The following GRM5 variants were observed in gnomAD, a reference collection of about 807,000 sequenced individuals.
GRM5 encodes the protein metabotropic glutamate receptor 5.
A neutral mutation model predicts 83.1 loss-of-function variants in GRM5; 19 were observed. That is an observed-to-expected ratio of 0.23 (90% CI 0.16 to 0.34). The LOEUF (loss-of-function observed/expected upper bound fraction) is 0.34, where lower values mean the gene tolerates loss of function less well. Ranked by LOEUF, GRM5 falls within the 10% of genes least tolerant of loss-of-function variation. The pLI is 1.00. For missense variants in GRM5, 1,160 were observed against 1,588.3 expected (o/e 0.73, Z 4.58); for synonymous variants, 675 against 633.6 (o/e 1.07, Z -0.98).
chr11:88,745,121 C>G (rs999813023), intron 3 of GRM5, among the ~76,000 whole-genome samples: 1 of 151,842 alleles, frequency 6.6e-6, no homozygotes, highest in Non-Finnish European at 1.5e-5. Context: ...GATTTTAAAC[C>G]CAGGGTTATG....
At chr11:88,678,533 T>G (rs2135342050) in intron 3 of GRM5, among the ~76,000 whole-genome samples, 1 of 152,246 alleles carries the variant, frequency 6.6e-6, no homozygotes, top group Non-Finnish European at 1.5e-5. Context: ...ATTTTCTCAT[T>G]TATTCTTTCA....
chr11:88,803,937 G>T (rs1307796639), intron 3 of GRM5, among the ~76,000 whole-genome samples: 2 of 152,080 alleles, frequency 1.3e-5, no homozygotes, highest in Non-Finnish European at 2.9e-5. Context: ...ATGAAAAAAT[G>T]CTCACCATCA....
At chr11:88,769,123 A>G (rs1216181934) in intron 3 of GRM5, among the ~76,000 whole-genome samples, 1 of 152,046 alleles carries the variant, frequency 6.6e-6, no homozygotes, top group African/African-American at 2.4e-5. Context: ...TCTGATTCTG[A>G]TATATAAATA....
chr11:88,597,276 C>T lies in GRM5; in HGVS notation c.1471G>A (p.Glu491Lys). 6.3e-7 allele frequency: 1 copy of T among 1,596,958 alleles called. No homozygotes were observed. Among genetic ancestry groups the T allele is most frequent in the Admixed American group, 1.7e-5 (1 of 59,684 alleles). ...YINVGSWDNG[E>K]LKMDDDEVWS... is the part of the protein sequence containing the mutation. ...ACTTCATCATCATCCATTTTTAATT[C>T]TCCATTGTCCCAACTTCCAACGTTG... Residue 491 changes from glutamate to lysine, a missense_variant, in exon 6 of 10, where the codon GAA becomes AAA. Glu to Lys is a moderately conservative substitution (Grantham distance 56). This residue lies in a region of GRM5 where 30 missense variants were observed against 19.7 expected (regional missense o/e 1.52). Transcript: ENST00000305447.
At chr11:88,597,157 A>C in intron 6 of GRM5, 27 bp downstream of exon 6, 4 of 1,456,836 alleles carry the variant, frequency 2.7e-6, no homozygotes, top group Non-Finnish European at 3.7e-6. Flanking sequence ...TACAACAAAA[A>C]TGAAAGAAAC....
intron 3 of GRM5, among the ~76,000 whole-genome samples, chr11:88,716,172 C>A (rs895104770): frequency 6.6e-6 from 1 of 151,870 alleles, no homozygotes; most frequent in African/African-American, 2.4e-5. Context: ...CAGCACCAGC[C>A]CAAATTCTAA....
At chr11:88,521,693 A>G (rs1422790295) in intron 9 of GRM5, among the ~76,000 whole-genome samples, 2 of 152,148 alleles carry the variant, frequency 1.3e-5, no homozygotes. Context: ...ATGACAAGTT[A>G]TACTATATTC....
intron 2 of GRM5, among the ~76,000 whole-genome samples, chr11:88,964,100 G>T (rs1176777448): frequency 6.6e-6 from 1 of 152,042 alleles, no homozygotes; most frequent in Non-Finnish European, 1.5e-5. Context: ...ATAATTTGGG[G>T]CCTTATATAT....
intron 4 of GRM5, among the ~76,000 whole-genome samples, chr11:88,621,160 T>A (rs1273855821): frequency 1.3e-5 from 2 of 152,192 alleles, no homozygotes; most frequent in Non-Finnish European, 2.9e-5. Flanking sequence ...TTTAAAAGAT[T>A]GTGTGGCAAA....
At chr11:89,036,443 TTTC>T (rs1941388036) in intron 2 of GRM5, among the ~76,000 whole-genome samples, 2 of 152,124 alleles carry the variant, frequency 1.3e-5, no homozygotes, top group Admixed American at 1.3e-4. Context: ...TTATGGTTTT[TTTC>T]TTCAAGGCCA....
At chr11:88,786,211 G>A (rs1943065302) in intron 3 of GRM5, among the ~76,000 whole-genome samples, 1 of 152,060 alleles carries the variant, frequency 6.6e-6, no homozygotes, top group Non-Finnish European at 1.5e-5. Context: ...AGGTGATGGA[G>A]GTAACACTGG....
intron 7 of GRM5, among the ~76,000 whole-genome samples, chr11:88,578,930 A>G (rs1293081425): frequency 6.6e-6 from 1 of 152,102 alleles, no homozygotes; most frequent in Non-Finnish European, 1.5e-5. Flanking sequence ...TTGATTCACA[A>G]TCACTTCCAT....
intron 7 of GRM5, among the ~76,000 whole-genome samples, chr11:88,588,564 A>G (rs1466201020): frequency 1.3e-5 from 2 of 152,154 alleles, no homozygotes; most frequent in Non-Finnish European, 2.9e-5. Flanking sequence ...ACCCATATAC[A>G]GACATTCACA....
chr11:88,899,415 T>C (rs535206746), intron 2 of GRM5, among the ~76,000 whole-genome samples: 2 of 149,972 alleles, frequency 1.3e-5, no homozygotes, highest in South Asian at 4.2e-4. Context: ...AAGAAAAAAA[T>C]AGTGGATAAT....
At chr11:89,060,974 A>G (rs1301482555) in intron 1 of GRM5, among the ~76,000 whole-genome samples, 3 of 152,186 alleles carry the variant, frequency 2.0e-5, no homozygotes, top group Non-Finnish European at 4.4e-5. Context: ...GAATATGAAT[A>G]TAACACATAA....
At chr11:88,658,591 C>T (rs1485529994) in intron 3 of GRM5, among the ~76,000 whole-genome samples, 1 of 152,110 alleles carries the variant, frequency 6.6e-6, no homozygotes, top group African/African-American at 2.4e-5. Flanking sequence ...TAAGTAACCA[C>T]ATACAAATGA....
At chr11:88,970,672 G>T (rs755202618) in intron 2 of GRM5, among the ~76,000 whole-genome samples, 2 of 152,158 alleles carry the variant, frequency 1.3e-5, no homozygotes, top group South Asian at 4.1e-4. Context: ...TTGGGCCAAC[G>T]CATTGGTATG....
At chr11:88,750,484 A>G (rs1487810339) in intron 3 of GRM5, among the ~76,000 whole-genome samples, 1 of 152,184 alleles carries the variant, frequency 6.6e-6, no homozygotes, top group Non-Finnish European at 1.5e-5. Flanking sequence ...CCACATAATA[A>G]TAATGGGAAA....
At chr11:88,831,837 C>T (rs1944000572) in intron 3 of GRM5, among the ~76,000 whole-genome samples, 1 of 152,176 alleles carries the variant, frequency 6.6e-6, no homozygotes, top group South Asian at 2.1e-4. Context: ...TGAGTATCTA[C>T]CTACCTGCCC....
Sources: allele counts gnomAD v4.1 joint callset (sites outside exome capture counted in the v4.1 genomes callset), GRCh38; gene constraint gnomAD v4.1.1; regional missense constraint gnomAD v4.1.1; transcripts MANE v1.5; gene names NCBI Gene and HGNC (gene_info 2026-07-23, HGNC 2026-07-21).